The following TFEB variants were observed in gnomAD, a reference collection of about 807,000 sequenced individuals.
The protein encoded by TFEB is T-cell transcription factor EB.
TFEB carries 12 observed loss-of-function variants against 48.0 expected under a neutral mutation model. The observed-to-expected ratio is 0.25, with a 90% confidence interval of 0.16 to 0.40. The LOEUF is 0.40. Among genes scored for constraint, TFEB ranks in the 10% least tolerant of loss-of-function variants. TFEB has a pLI of 1.00. For missense variants in TFEB, 509 were observed against 640.3 expected (o/e 0.79, Z 2.21); for synonymous variants, 244 against 261.4 (o/e 0.93, Z 0.64).
intron 1 of TFEB, among the ~76,000 whole-genome samples, chr6:41,714,439 A>G (rs1040521356): frequency 6.6e-6 from 1 of 152,312 alleles, no homozygotes; most frequent in South Asian, 2.1e-4. Flanking sequence ...GGGGTAGCTT[A>G]TGGCTAGTCA....
chr6:41,728,001 C>A (rs909437797), intron 1 of TFEB, among the ~76,000 whole-genome samples: 1 of 152,178 alleles, frequency 6.6e-6, no homozygotes, highest in African/African-American at 2.4e-5. Context: ...TTCCTGGGGC[C>A]CAGAAGGTGG....
chr6:41,715,619 G>A lies in TFEB; in HGVS notation c.-23+19731C>T, dbSNP rs187756063. On this transcript the variant is annotated intron_variant, in intron 1 of 8. Transcript: ENST00000373033. ...CAGGAGGCGGAGCTTGCAGTGAGCCGAGATCACGCTACTGCACTCCAGCCT... is the reference window on the plus strand; with the variant it reads ...CAGGAGGCGGAGCTTGCAGTGAGCCAAGATCACGCTACTGCACTCCAGCCT... Among the ~76,000 whole-genome samples, 190 of 151,490 alleles carry A rather than the reference G, an allele frequency of 1.3e-3. 1 individual carries two copies. Among genetic ancestry groups the A allele is most frequent in the African/African-American group, 4.3e-3 (178 of 41,214 alleles).
intron 1 of TFEB, among the ~76,000 whole-genome samples, chr6:41,714,072 C>T (rs2127254028): frequency 6.6e-6 from 1 of 152,320 alleles, no homozygotes. Context: ...CCAGCCAAGA[C>T]CACTGCACTG....
At chr6:41,707,751 C>T (rs1012637436) in intron 1 of TFEB, among the ~76,000 whole-genome samples, 1 of 152,208 alleles carries the variant, frequency 6.6e-6, no homozygotes, top group Non-Finnish European at 1.5e-5. Flanking sequence ...AGGTATGCCA[C>T]CGCACGAAAT....
chr6:41,699,299 C>T (rs13206766), intron 1 of TFEB, among the ~76,000 whole-genome samples: 28,157 of 152,270 alleles, frequency 0.18, 2,881 homozygotes, highest in Middle Eastern at 0.24. Flanking sequence ...CCGTCCAGGC[C>T]CACTGGGGGC....
At chr6:41,708,305 T>C (rs928336792) in intron 1 of TFEB, among the ~76,000 whole-genome samples, 1 of 152,142 alleles carries the variant, frequency 6.6e-6, no homozygotes, top group Admixed American at 6.5e-5. Flanking sequence ...GAAGAGGGCT[T>C]GGCAGACCCC....
intron 1 of TFEB, chr6:41,705,516 C>G (rs1229307255): frequency 6.6e-6 from 1 of 152,368 alleles, no homozygotes; most frequent in Non-Finnish European, 1.5e-5. Context: ...CACGGGACAG[C>G]TGTAAAGTCC....
chr6:41,718,675 CT>C lies in TFEB; in HGVS notation c.-23+16674del, dbSNP rs59866135. ...CCCCATTCCCCCAACCCCTATTTTT[CT>C]TTTTTTTTTTTTCTTTGACTTACAG... On this transcript the variant is annotated intron_variant, in intron 1 of 8. Transcript: ENST00000373033. Among the ~76,000 whole-genome samples, 768 of 144,226 alleles carry C rather than the reference CT, an allele frequency of 5.3e-3. 2 individuals are homozygous for C. Among genetic ancestry groups the C allele is most frequent in the African/African-American group, 8.5e-3 (334 of 39,268 alleles). The allele number at this position is 144,226 out of a possible 152,430, so 94.6% of individuals were successfully genotyped here.
chr6:41,694,597 C>T (rs1769483053), intron 1 of TFEB, among the ~76,000 whole-genome samples: 1 of 152,062 alleles, frequency 6.6e-6, no homozygotes, highest in East Asian at 1.9e-4. Flanking sequence ...TCCCCCCATC[C>T]TTAGCCTCCA....
At chr6:41,698,268 G>A (rs1769713933) in intron 1 of TFEB, among the ~76,000 whole-genome samples, 1 of 152,166 alleles carries the variant, frequency 6.6e-6, no homozygotes, top group Non-Finnish European at 1.5e-5. Flanking sequence ...CAGTCTGGCT[G>A]CACCGCCCCA....
chr6:41,723,327 C>A lies in TFEB; in HGVS notation c.-23+12023G>T. 2 of 534,750 alleles carry A rather than the reference C, an allele frequency of 3.7e-6. No individual in the cohort carries two copies. Among genetic ancestry groups the A allele is most frequent in the Non-Finnish European group, 3.2e-6 (1 of 313,992 alleles). The allele number at this position is 534,750 out of a possible 1,614,324, so 33.1% of individuals were successfully genotyped here. ...GAGGGGCCTCATCCCTACCCACCCA[C>A]CTCCCCAAAGACACCACACGCATGC... On this transcript the variant is annotated intron_variant, in intron 1 of 8. Transcript: ENST00000373033. This position sits in a 1 kb window ranked among gnomAD's most constrained non-coding sequence, Gnocchi z 6.0.
At chr6:41,713,387 CA>C (rs1318794491) in intron 1 of TFEB, among the ~76,000 whole-genome samples, 1 of 152,204 alleles carries the variant, frequency 6.6e-6, no homozygotes, top group Non-Finnish European at 1.5e-5. Flanking sequence ...GTGCTGACCA[CA>C]GCATCCCAGC....
intron 1 of TFEB, among the ~76,000 whole-genome samples, chr6:41,694,085 G>T (rs759695750): frequency 2.0e-5 from 3 of 152,210 alleles, no homozygotes; most frequent in Non-Finnish European, 4.4e-5. Context: ...GCCGGCACAG[G>T]GAGGGCTAGG....
chr6:41,700,867 G>T (rs537353454), intron 1 of TFEB, among the ~76,000 whole-genome samples: 1 of 152,180 alleles, frequency 6.6e-6, no homozygotes. Flanking sequence ...CAGACTGTTG[G>T]CCCGGGACAA....
chr6:41,691,452 GTTCTGTC>G lies in TFEB; in HGVS notation c.-22-224_-22-218del. The G allele has an allele frequency of 1.4e-6, 1 of 714,606 alleles. No homozygotes were observed. Among genetic ancestry groups the G allele is most frequent in the Non-Finnish European group, 2.6e-6 (1 of 384,922 alleles). 44.3% of individuals were successfully genotyped at this position (714,606 alleles called of 1,614,324 possible). ...CCTGGTTCCTGGACCAAAACTGAAG[GTTCTGTC>G]TTCTTCACTCATTGCAGTTGGTAAA... is the stretch of plus-strand genomic sequence containing the variant. On this transcript the variant is annotated intron_variant, in intron 1 of 8. Transcript: ENST00000373033. This position sits in a 1 kb window ranked among gnomAD's most constrained non-coding sequence, Gnocchi z 5.2.
chr6:41,733,899 A>G, intron 1 of TFEB: 2 of 985,872 alleles, frequency 2.0e-6, no homozygotes, highest in Non-Finnish European at 2.4e-6. Context: ...CCTCATCCCC[A>G]GCTGCCCAAC....
intron 1 of TFEB, among the ~76,000 whole-genome samples, chr6:41,713,581 G>C (rs2127253361): frequency 6.6e-6 from 1 of 152,284 alleles, no homozygotes; most frequent in African/African-American, 2.4e-5. Flanking sequence ...CCTACCCCCA[G>C]GGAGAAACGC....
intron 1 of TFEB, among the ~76,000 whole-genome samples, chr6:41,694,581 T>A (rs1360326695): frequency 6.6e-6 from 1 of 151,992 alleles, no homozygotes; most frequent in Non-Finnish European, 1.5e-5. Context: ...GTCCAGGACA[T>A]GCTAATCCCC....
intron 1 of TFEB, among the ~76,000 whole-genome samples, chr6:41,709,976 T>C (rs1046856070): frequency 6.6e-6 from 1 of 151,986 alleles, no homozygotes; most frequent in African/African-American, 2.4e-5. Flanking sequence ...TTTGTAGAGA[T>C]GGGGGTCTCA....
Sources: allele counts gnomAD v4.1 joint callset (sites outside exome capture counted in the v4.1 genomes callset), GRCh38; gene constraint gnomAD v4.1.1; non-coding constraint Gnocchi (gnomAD v3.1); transcripts MANE v1.5; gene names NCBI Gene and HGNC (gene_info 2026-07-23, HGNC 2026-07-21).